GTPBP3: variants seen among roughly 807,000 people sequenced by gnomAD.
The protein encoded by GTPBP3 is 5-taurinomethyluridine-[tRNA] synthase subunit GTPB3, mitochondrial.
A neutral mutation model predicts 42.0 loss-of-function variants in GTPBP3; 35 were observed. That is an observed-to-expected ratio of 0.83 (90% CI 0.64 to 1.10). The LOEUF (loss-of-function observed/expected upper bound fraction) is 1.10. Among genes scored for constraint, GTPBP3 ranks in the 50% least tolerant of loss-of-function variants. The pLI is 0.00. For synonymous variants in GTPBP3, 332 were observed against 314.9 expected, an observed-to-expected ratio of 1.05 and a Z score of -0.58; for missense variants, 691 against 685.2, an observed-to-expected ratio of 1.01 and a Z score of -0.09.
At position 17,340,067 on chromosome 19, in the gene GTPBP3, T is replaced by A. The variant is rs540414655; in HGVS notation, c.974+468T>A. On this transcript the variant is annotated intron_variant, in intron 7 of 8. Transcript: ENST00000324894. ...TTGTTTTTGAGACGGAGTTTCGCTCTTGTTGCCCAGGCTGGAGTGTGCAGT... is the reference window on the plus strand; with the variant it reads ...TTGTTTTTGAGACGGAGTTTCGCTCATGTTGCCCAGGCTGGAGTGTGCAGT... 3.8e-4 allele frequency among the ~76,000 whole-genome samples: 54 copies of A among 142,896 alleles called. 1 individual carries two copies. Among genetic ancestry groups the A allele is most frequent in the Admixed American group, 3.2e-3 (46 of 14,428 alleles). 93.7% of individuals were successfully genotyped at this position (142,896 alleles called of 152,430 possible). A position where few individuals can be genotyped will look rare whatever the true frequency, so the allele number is the denominator to read the frequency against.
rs1158143558 is a variant in GTPBP3 at position 17,342,621 on chromosome 19, G to T, written c.*918G>T. The T allele has an allele frequency of 6.6e-6, 1 of 152,058 alleles. No homozygotes were observed. Among genetic ancestry groups the T allele is most frequent in the East Asian group, 1.9e-4 (1 of 5,182 alleles). The allele number at this position is 152,058 out of a possible 1,614,324, so 9.4% of individuals were successfully genotyped here. Reference sequence around the variant, plus strand: ...CCTTAGCCCTTCTGTGGTTGTCATGGCTTAATGTGTGTCTTTCCAGAACTT... The same window carrying T: ...CCTTAGCCCTTCTGTGGTTGTCATGTCTTAATGTGTGTCTTTCCAGAACTT... On this transcript the variant is annotated 3_prime_UTR_variant, in exon 9 of 9. Coordinates refer to ENST00000324894, the MANE Select transcript of GTPBP3 (RefSeq NM_032620.4).
chr19:17,339,303 CA>C lies in GTPBP3; in HGVS notation c.808+38del, dbSNP rs758588126. ...GCGGGAAGGGGGCGGGGCCTAGTGC[CA>C]GGGGCGGGGCCAAGAGCTGGGTTAT... On this transcript the variant is annotated intron_variant, in intron 6 of 8. Coordinates refer to ENST00000324894, the MANE Select transcript of GTPBP3 (RefSeq NM_032620.4). 14 of 1,581,136 alleles carry C rather than the reference CA, an allele frequency of 8.9e-6. No homozygotes were observed. In the East Asian group the frequency reaches 2.5e-4, roughly 28 times the overall value.
chr19:17,335,190 TCAAC>T (rs1274140418), upstream of GTPBP3: 1 of 1,530,806 alleles, frequency 6.5e-7, no homozygotes, highest in East Asian at 2.4e-5. Flanking sequence ...GACAATAACT[TCAAC>T]CACCCCAGTA....
chr19:17,337,571 A>G lies in GTPBP3; in HGVS notation c.-41A>G. 1 of 1,317,690 alleles carries G rather than the reference A, an allele frequency of 7.6e-7. No homozygotes were observed. Among genetic ancestry groups the G allele is most frequent in the Middle Eastern group, 2.0e-4 (1 of 5,040 alleles). The allele number at this position is 1,317,690 out of a possible 1,614,324, so 81.6% of individuals were successfully genotyped here. The stretch of plus-strand genomic sequence containing the variant: ...GGGCCCCCTGCCCAGACTTGAAGCC[A>G]CACAGGCAGGTCGGGCAGGCGGGTC... On this transcript the variant is annotated 5_prime_UTR_variant, in exon 1 of 9. Transcript: ENST00000324894.
chr19:17,341,329 C>A lies in GTPBP3; in HGVS notation c.1253+7C>A. 6.3e-7 allele frequency: 1 copy of A among 1,583,830 alleles called. No individual in the cohort carries two copies. Among genetic ancestry groups the A allele is most frequent in the Non-Finnish European group, 8.6e-7 (1 of 1,166,464 alleles). On this transcript the variant is annotated splice_region_variant and intron_variant, in intron 8 of 8. Transcript: ENST00000324894. ...GGAAGGAGCTAGCTGCAGTGTGAGC[C>A]CCCTCCCACTCCCAGCCTCCCCTGA...
intron 7 of GTPBP3, 139 bp downstream of exon 7, chr19:17,339,738 CTTTTTTTTTT>C: frequency 4.1e-6 from 2 of 489,974 alleles, no homozygotes; most frequent in Non-Finnish European, 6.6e-6. Flanking sequence ...GGATTTGGTT[CTTTTTTTTTT>C]TTTTTTTTTT....
chr19:17,338,581 C>T lies in GTPBP3; in HGVS notation c.431C>T (p.Thr144Ile), dbSNP rs1179310040. Residue 144 changes from threonine (T) to isoleucine (I), a missense_variant, in exon 4 of 9, where the codon ACC (threonine) becomes ATC (isoleucine). Coordinates refer to ENST00000324894, the MANE Select transcript of GTPBP3 (RefSeq NM_032620.4). ...CGACCGGCGGAGGCAGGCGAGTTCA[C>T]CAGACGGGCGTTCGCCAATGGGAAG... ...GLRPAEAGEF[T>I]RRAFANGKLN... The T allele has an allele frequency of 2.5e-6, 4 of 1,614,040 alleles. No homozygotes were observed. Among genetic ancestry groups the T allele is most frequent in the Non-Finnish European group, 3.4e-6 (4 of 1,179,936 alleles).
At chr19:17,337,411 C>T (rs1289525757), upstream of GTPBP3, 7 of 1,119,972 alleles carry the variant, frequency 6.3e-6, no homozygotes, top group Non-Finnish European at 7.9e-6. Flanking sequence ...CTCCATACCG[C>T]CTCCCGCTCC....
chr19:17,336,033 G>C (rs572264788), upstream of GTPBP3, among the ~76,000 whole-genome samples: 2 of 152,136 alleles, frequency 1.3e-5, no homozygotes, highest in South Asian at 2.1e-4. Flanking sequence ...CAAGGAGTTC[G>C]AGACCAGCCT....
intron 7 of GTPBP3, 95 bp downstream of exon 7, chr19:17,339,694 G>A: frequency 8.2e-7 from 1 of 1,222,428 alleles, no homozygotes. Flanking sequence ...CTGAATCAGA[G>A]AACCTGCTAA....
chr19:17,341,355 C>T, intron 8 of GTPBP3, 33 bp downstream of exon 8: 3 of 1,567,666 alleles, frequency 1.9e-6, no homozygotes, highest in Non-Finnish European at 2.6e-6. Context: ...CCTCCCCTGA[C>T]CCACAGTTTA....
In GTPBP3 at chr19:17,339,202, A is replaced by C. The variant is rs554038809; in HGVS notation, c.744A>C (p.Ser248=). The change falls in exon 6 of 9, where the codon TCA becomes TCC. Residue 248 remains serine, a synonymous_variant. Transcript: ENST00000324894. ...RDARRGQRLR[S]GVHVVVTGPP... Reference sequence around the variant, plus strand: ...CCAGGCGCGGGCAGAGGCTCCGCTCAGGGGTGCACGTAGTGGTCACTGGAC... The same window carrying C: ...CCAGGCGCGGGCAGAGGCTCCGCTCCGGGGTGCACGTAGTGGTCACTGGAC... The C allele has an allele frequency of 1.9e-5, 31 of 1,613,452 alleles. No homozygotes were observed. The South Asian group carries it at 3.4e-4, about 18-fold the overall frequency.
chr19:17,341,855 C>A lies in GTPBP3; in HGVS notation c.*152C>A. On this transcript the variant is annotated 3_prime_UTR_variant, in exon 9 of 9. Coordinates refer to ENST00000324894, the MANE Select transcript of GTPBP3 (RefSeq NM_032620.4). ...AACACAGCTGAGAGGTAGTGAGATC[C>A]CTGCAGGGACTCCCTGGAGATTCAG... 2 of 627,410 alleles carry A rather than the reference C, an allele frequency of 3.2e-6. No individual in the cohort carries two copies. Among genetic ancestry groups the A allele is most frequent in the Non-Finnish European group, 5.2e-6 (2 of 383,974 alleles). The allele number at this position is 627,410 out of a possible 1,614,324, so 38.9% of individuals were successfully genotyped here.
rs746628632 is a variant in GTPBP3 at position 17,338,065 on chromosome 19, C to T, written c.111C>T (p.Phe37=). 1.4e-5 allele frequency: 23 copies of T among 1,598,028 alleles called. No homozygotes were observed. Among genetic ancestry groups the T allele is most frequent in the South Asian group, 2.2e-5 (2 of 91,036 alleles). ...APAPGSGATI[F]ALSSGQGRCG... is the part of the protein sequence containing the mutation. ...CCCCCGGCTCCGGCGCCACCATCTT[C>T]GCGCTAAGCTCTGGCCAAGGCCGCT... is the stretch of plus-strand genomic sequence containing the variant. The change falls in exon 2 of 9, where the codon TTC becomes TTT. Residue 37 remains phenylalanine (F), a synonymous_variant. Coordinates refer to ENST00000324894, the MANE Select transcript of GTPBP3 (RefSeq NM_032620.4).
intron 7 of GTPBP3, 194 bp from the exon 8 acceptor site, chr19:17,340,850 T>G (rs1315315536): frequency 8.6e-5 from 26 of 302,668 alleles, no homozygotes; most frequent in Non-Finnish European, 1.1e-4. Flanking sequence ...CCCGCCCCTC[T>G]TGCTCTGCCC....
rs754946741 is a variant in GTPBP3 at position 17,341,610 on chromosome 19, G to A, written c.1386G>A (p.Arg462=). 6.2e-7 allele frequency: 1 copy of A among 1,613,810 alleles called. No homozygotes were observed. Among genetic ancestry groups the A allele is most frequent in the Admixed American group, 1.7e-5 (1 of 60,016 alleles). ...KDLALAAEAL[R]VARGHLTRLT... ...TGGCCCTGGCGGCAGAGGCGCTGCG[G>A]GTGGCCCGGGGTCACCTGACCCGGC... The change falls in exon 9 of 9, where the codon CGG becomes CGA. Residue 462 remains arginine (R), a synonymous_variant. Transcript: ENST00000324894.
In GTPBP3 at chr19:17,338,362, T is replaced by C. The variant is rs748036623; in HGVS notation, c.302-3T>C. 15 of 1,613,882 alleles carry C rather than the reference T, an allele frequency of 9.3e-6. No individual in the cohort carries two copies. The South Asian group carries it at 1.6e-4, about 18-fold the overall frequency. On this transcript the variant is annotated splice_region_variant and splice_polypyrimidine_tract_variant and intron_variant, in intron 2 of 8. Coordinates refer to ENST00000324894, the MANE Select transcript of GTPBP3 (RefSeq NM_032620.4). ...TCCTCCTGTCACCTGTCTGTCACAT[T>C]AGGTCCCCAGAGTTTCACCGGTGAG...
chr19:17,339,729 G>T, intron 7 of GTPBP3, 130 bp downstream of exon 7: 1 of 899,780 alleles, frequency 1.1e-6, no homozygotes, highest in Non-Finnish European at 1.6e-6. Context: ...GGATCTCAGG[G>T]ATTTGGTTCT....
chr19:17,334,991 C>T (rs1261399751), upstream of GTPBP3: 13 of 1,534,580 alleles, frequency 8.5e-6, no homozygotes, highest in African/African-American at 1.8e-4. Context: ...GCTGCTGGTC[C>T]CCGCCCGCAC....
Sources: gnomAD v4.1 joint callset for allele counts (sites outside exome capture counted in the v4.1 genomes callset) on GRCh38, gnomAD v4.1.1 for gene constraint, MANE v1.5 for transcripts, NCBI Gene and HGNC (gene_info 2026-07-23, HGNC 2026-07-21) for gene names.